Variants in COLEC10 observed in about 807,000 individuals in gnomAD.
COLEC10 encodes collectin-10.
In COLEC10, 22 loss-of-function variants were observed where a neutral mutation model predicts 28.4. The ratio of observed to expected loss-of-function variants is 0.78; its 90% CI spans 0.55 to 1.11. The LOEUF (loss-of-function observed/expected upper bound fraction) is 1.11, where lower values mean the gene tolerates loss of function less well. COLEC10 is among the 50% of genes least tolerant of loss of function. COLEC10 has a pLI of 0.00. For synonymous variants in COLEC10, 125 were observed against 116.1 expected (o/e 1.08, Z -0.49); for missense variants, 361 against 344.1 (o/e 1.05, Z -0.39).
intron 2 of COLEC10, among the ~76,000 whole-genome samples, chr8:119,031,928 G>C (rs761703037): frequency 6.6e-6 from 1 of 152,086 alleles, no homozygotes; most frequent in Non-Finnish European, 1.5e-5. Flanking sequence ...AATTAATTTG[G>C]TACTTTTTGT....
intron 1 of COLEC10, among the ~76,000 whole-genome samples, chr8:119,072,058 C>T (rs1815135061): frequency 6.6e-6 from 1 of 152,218 alleles, no homozygotes; most frequent in Non-Finnish European, 1.5e-5. Flanking sequence ...GCCTCTGTCT[C>T]TGCCTAGCCA....
chr8:119,017,101 G>A (rs1286921608), intron 2 of COLEC10, among the ~76,000 whole-genome samples: 3 of 152,110 alleles, frequency 2.0e-5, no homozygotes, highest in African/African-American at 7.2e-5. Context: ...AATGACCATT[G>A]ATGATGAGCT....
At chr8:119,020,705 A>T (rs1814075498) in intron 2 of COLEC10, among the ~76,000 whole-genome samples, 1 of 152,186 alleles carries the variant, frequency 6.6e-6, no homozygotes, top group Non-Finnish European at 1.5e-5. Flanking sequence ...GATTCCACTT[A>T]CTTTTTTATT....
At chr8:118,985,327 A>G in the COLEC10 span, among the ~76,000 whole-genome samples, 1 of 152,116 alleles carries the variant, frequency 6.6e-6, no homozygotes, top group African/African-American at 2.4e-5. Context: ...ATTGCCCACC[A>G]TTCTGCAAAA....
At chr8:118,970,412 ATAG>A in the COLEC10 span, among the ~76,000 whole-genome samples, 1 of 151,952 alleles carries the variant, frequency 6.6e-6, no homozygotes. Context: ...ACAGTCTCTG[ATAG>A]TAGCAAGAGT....
At chr8:118,997,601 A>C (rs536265187) in intron 1 of COLEC10, among the ~76,000 whole-genome samples, 1 of 152,314 alleles carries the variant, frequency 6.6e-6, no homozygotes, top group South Asian at 2.1e-4. Context: ...GACATAGCAA[A>C]ATTGTGATGA....
Position 119,054,536 on chromosome 8 carries a change from A to G in COLEC10, n.236-35144A>G, listed in dbSNP as rs577010910. Among the ~76,000 whole-genome samples the G allele has an allele frequency of 2.3e-4, 35 of 152,158 alleles. No homozygotes were observed. In the South Asian group the frequency reaches 4.1e-3, roughly 18 times the overall value. On this transcript the variant is annotated intron_variant and non_coding_transcript_variant, in intron 2 of 6. Transcript: ENST00000521788. ...GGGCTGGGATTGGTTAGAAGAACGG[A>G]ACACAAAACCAATTTTGAGTTGAGC...
At chr8:118,965,470 C>T in the COLEC10 span, among the ~76,000 whole-genome samples, 10 of 151,948 alleles carry the variant, frequency 6.6e-5, no homozygotes, top group Non-Finnish European at 8.8e-5. Context: ...CTCTTCTTGC[C>T]CCATTTTCCC....
chr8:119,069,629 A>AATATATAT lies in COLEC10; in HGVS notation c.148+2225_148+2232dup, dbSNP rs1207445435. Among the ~76,000 whole-genome samples, 25 of 42,850 alleles carry AATATATAT rather than the reference A, an allele frequency of 5.8e-4. No homozygotes were observed. The South Asian group carries it at 8.9e-3, about 15-fold the overall frequency. The allele number at this position is 42,850 out of a possible 152,430, so 28.1% of individuals were successfully genotyped here. The stretch of plus-strand genomic sequence containing the variant: ...TCAAAAAAAAAAAAAAAAAAAAAAA[A>AATATATAT]ATATATATATATATATATATATATA... On this transcript the variant is annotated intron_variant, in intron 1 of 5. Transcript: ENST00000332843.
At chr8:119,052,365 T>C (rs796781650) in intron 2 of COLEC10, among the ~76,000 whole-genome samples, 1 of 151,900 alleles carries the variant, frequency 6.6e-6, no homozygotes, top group African/African-American at 2.4e-5. Flanking sequence ...ACCAAGACAG[T>C]GTTGCTGGGG....
the COLEC10 span, among the ~76,000 whole-genome samples, chr8:118,964,362 C>G: frequency 2.1e-4 from 32 of 152,278 alleles, no homozygotes; most frequent in African/African-American, 6.7e-4. Flanking sequence ...AATTAGGAGA[C>G]AGTAGGCCTG....
chr8:119,080,649 G>A (rs1265115094), intron 1 of COLEC10, among the ~76,000 whole-genome samples: 1 of 152,078 alleles, frequency 6.6e-6, no homozygotes, highest in Non-Finnish European at 1.5e-5. Context: ...GTTGCAAGAG[G>A]GTTCTGTGCT....
At chr8:118,973,322 G>C in the COLEC10 span, among the ~76,000 whole-genome samples, 2 of 152,066 alleles carry the variant, frequency 1.3e-5, no homozygotes, top group South Asian at 2.1e-4. Flanking sequence ...GCTTCTCTCA[G>C]GGTCTTCTAT....
chr8:119,024,992 G>C (rs1814164350), intron 2 of COLEC10, among the ~76,000 whole-genome samples: 2 of 151,988 alleles, frequency 1.3e-5, no homozygotes, highest in Non-Finnish European at 2.9e-5. Flanking sequence ...CAATGAGCTG[G>C]GAATTTACAT....
chr8:118,989,579 C>A, the COLEC10 span, among the ~76,000 whole-genome samples: 2,802 of 118,090 alleles, frequency 0.024, 68 homozygotes, highest in African/African-American at 0.096. Flanking sequence ...ACACACACAC[C>A]CCTACCTACC....
chr8:119,060,679 A>G (rs1035439393), intron 2 of COLEC10, among the ~76,000 whole-genome samples: 3 of 152,136 alleles, frequency 2.0e-5, no homozygotes, highest in African/African-American at 7.2e-5. Context: ...TGCTAAATAA[A>G]TCTTACAGTT....
chr8:118,965,167 C>G, the COLEC10 span, among the ~76,000 whole-genome samples: 12 of 152,062 alleles, frequency 7.9e-5, no homozygotes, highest in Admixed American at 5.9e-4. Context: ...TAAGACTATT[C>G]TATTATTATA....
chr8:118,983,232 G>A, the COLEC10 span, among the ~76,000 whole-genome samples: 2 of 152,080 alleles, frequency 1.3e-5, no homozygotes, highest in Non-Finnish European at 2.9e-5. Context: ...ATCCACTCTT[G>A]TGTCTACTGG....
chr8:119,103,678 C>A, intron 4 of COLEC10, 122 bp from the exon 5 acceptor site: 1 of 598,624 alleles, frequency 1.7e-6, no homozygotes, highest in Non-Finnish European at 3.0e-6. Flanking sequence ...AAAGTATAGC[C>A]ATTCACAGAT....
Sources: gnomAD v4.1 joint callset for allele counts (sites outside exome capture counted in the v4.1 genomes callset) on GRCh38, gnomAD v4.1.1 for gene constraint, MANE v1.5 for transcripts, NCBI Gene and HGNC (gene_info 2026-07-23, HGNC 2026-07-21) for gene names.